Variants in EPB41 observed in about 807,000 individuals in gnomAD.
The protein encoded by EPB41 is erythrocyte membrane protein band 4.1, also known as protein 4.1.
Under a neutral mutation model 108.0 loss-of-function variants are expected in EPB41, and 65 were observed. The observed-to-expected ratio is 0.60, with a 90% CI of 0.49 to 0.74. The LOEUF (loss-of-function observed/expected upper bound fraction) is 0.74, where lower values mean the gene tolerates loss of function less well. Ranked by LOEUF, EPB41 falls within the 30% of genes least tolerant of loss-of-function variation. The pLI is 0.00. For synonymous variants in EPB41, 336 were observed against 358.9 expected (o/e 0.94, Z 0.72); for missense variants, 875 against 1,037.0 (o/e 0.84, Z 2.15).
chr1:29,056,240 A>G (rs902022183), intron 12 of EPB41, among the ~76,000 whole-genome samples: 1 of 151,758 alleles, frequency 6.6e-6, no homozygotes, highest in Non-Finnish European at 1.5e-5. Context: ...TCTCAAAAAA[A>G]AAAAAAACAA....
chr1:28,927,847 T>C (rs2093536094), intron 1 of EPB41, among the ~76,000 whole-genome samples: 1 of 152,178 alleles, frequency 6.6e-6, no homozygotes, highest in African/African-American at 2.4e-5. Flanking sequence ...TCTCAATAAA[T>C]AAAAGCCAGG....
intron 1 of EPB41, among the ~76,000 whole-genome samples, chr1:28,986,501 G>A (rs1167938067): frequency 6.6e-6 from 1 of 152,160 alleles, no homozygotes; most frequent in Non-Finnish European, 1.5e-5. Flanking sequence ...CCCTACGAGT[G>A]AATCAACACT....
intron 1 of EPB41, among the ~76,000 whole-genome samples, chr1:28,941,616 C>A (rs1418624164): frequency 6.6e-6 from 1 of 152,180 alleles, no homozygotes; most frequent in Admixed American, 6.5e-5. Flanking sequence ...CTTTCTCAGG[C>A]CGGGCACAGT....
At chr1:29,058,034 G>A (rs1645850939) in intron 12 of EPB41, among the ~76,000 whole-genome samples, 1 of 152,178 alleles carries the variant, frequency 6.6e-6, no homozygotes, top group Non-Finnish European at 1.5e-5. Flanking sequence ...AGAATGAAGT[G>A]CCTCTTTAAG....
At chr1:28,922,108 T>C (rs2148297824) in intron 1 of EPB41, among the ~76,000 whole-genome samples, 1 of 151,062 alleles carries the variant, frequency 6.6e-6, no homozygotes, top group South Asian at 2.1e-4. Flanking sequence ...TAGCTGGCAT[T>C]ACAGGCACGT....
At chr1:29,015,933 A>G (rs901964459) in intron 6 of EPB41, among the ~76,000 whole-genome samples, 166 bp downstream of exon 6, 2 of 152,258 alleles carry the variant, frequency 1.3e-5, no homozygotes, top group Non-Finnish European at 2.9e-5. Context: ...CAAGGCAGGC[A>G]TACAAATAAG....
chr1:29,062,895 G>T (rs552479219), intron 15 of EPB41, among the ~76,000 whole-genome samples: 1 of 152,236 alleles, frequency 6.6e-6, no homozygotes, highest in South Asian at 2.1e-4. Context: ...GATGGAGAAA[G>T]CTCCCTCAGA....
chr1:28,944,534 GTTTTTTTTTTTT>G (rs55849161), intron 1 of EPB41, among the ~76,000 whole-genome samples: 3 of 97,420 alleles, frequency 3.1e-5, no homozygotes, highest in South Asian at 3.4e-4. Flanking sequence ...CTCAGATCTG[GTTTTTTTTTTTT>G]TTTTTTTTTT....
At chr1:28,941,279 C>T (rs1345281524) in intron 1 of EPB41, among the ~76,000 whole-genome samples, 1 of 151,394 alleles carries the variant, frequency 6.6e-6, no homozygotes, top group Non-Finnish European at 1.5e-5. Context: ...ACTCGGGAGA[C>T]TAAGATGGGA....
At chr1:28,946,197 ACTT>A (rs2094481411) in intron 1 of EPB41, among the ~76,000 whole-genome samples, 1 of 151,442 alleles carries the variant, frequency 6.6e-6, no homozygotes, top group African/African-American at 2.4e-5. Context: ...GTCTACTTCA[ACTT>A]CTTTTTTTTT....
In EPB41 at chr1:28,948,547, A is replaced by T. The variant is rs537777940; in HGVS notation, c.-8+33779A>T. On this transcript the variant is annotated intron_variant, in intron 1 of 20. Coordinates refer to ENST00000343067, the MANE Select transcript of EPB41 (RefSeq NM_001376013.1). ...AAAGAAAGAAAGAAAGTGAAGCAGC[A>T]ACTATTGGAGGATAGCAAGAATGGA... is the stretch of plus-strand genomic sequence containing the variant. Among the ~76,000 whole-genome samples, 39 of 151,802 alleles carry T rather than the reference A, an allele frequency of 2.6e-4. No individual in the cohort carries two copies. The South Asian group carries it at 8.1e-3, about 32-fold the overall frequency.
At chr1:29,070,820 CAG>C (rs1169013030) in intron 16 of EPB41, 1 of 696,856 alleles carries the variant, frequency 1.4e-6, no homozygotes, top group African/African-American at 1.8e-5. Context: ...TGCCCAAAGC[CAG>C]CTTTTCTGCA....
At chr1:28,931,504 A>G (rs1173809575) in intron 1 of EPB41, among the ~76,000 whole-genome samples, 2 of 151,412 alleles carry the variant, frequency 1.3e-5, no homozygotes, top group African/African-American at 4.8e-5. Flanking sequence ...ATACTCCTCT[A>G]AAGAGTTTTA....
chr1:28,981,839 T>A (rs1242949255), intron 1 of EPB41, among the ~76,000 whole-genome samples: 1 of 151,618 alleles, frequency 6.6e-6, no homozygotes, highest in Non-Finnish European at 1.5e-5. Flanking sequence ...CAGCCCATCA[T>A]GGTTTTTTTT....
At chr1:28,998,942 A>C (rs943864404) in intron 4 of EPB41, among the ~76,000 whole-genome samples, 2 of 152,240 alleles carry the variant, frequency 1.3e-5, no homozygotes, top group Non-Finnish European at 2.9e-5. Flanking sequence ...TTTTCAATGA[A>C]TAATTTGAAA....
At chr1:28,969,303 T>C (rs2095437504) in intron 1 of EPB41, among the ~76,000 whole-genome samples, 1 of 151,930 alleles carries the variant, frequency 6.6e-6, no homozygotes, top group African/African-American at 2.4e-5. Context: ...CAGGCTAGTC[T>C]CGAACTCCTG....
Position 29,058,587 on chromosome 1 carries a change from A to T in EPB41, c.1846-2A>T. The T allele has an allele frequency of 6.2e-7, 1 of 1,613,210 alleles. No homozygotes were observed. Among genetic ancestry groups the T allele is most frequent in the African/African-American group, 1.3e-5 (1 of 75,050 alleles). ...TTTACTACTTTTATTTCTTAAATGT[A>T]GGTGGAAAAAACCCACATCGAGGTG... On this transcript the variant is annotated splice_acceptor_variant, in intron 12 of 20. Coordinates refer to ENST00000343067, the MANE Select transcript of EPB41 (RefSeq NM_001376013.1). LOFTEE classifies it high-confidence loss of function.
In EPB41 at chr1:29,005,038, G is replaced by A. The variant is rs138772182; in HGVS notation, c.787-6827G>A. Among the ~76,000 whole-genome samples, 217 of 152,184 alleles carry A rather than the reference G, an allele frequency of 1.4e-3. 1 individual carries two copies. The Middle Eastern group carries it at 0.02, about 14-fold the overall frequency. On this transcript the variant is annotated intron_variant, in intron 4 of 20. Coordinates refer to ENST00000343067, the MANE Select transcript of EPB41 (RefSeq NM_001376013.1). ...ATGACCTAAGGTTGTAAATGCTGCC[G>A]AAGATATGAAAGGTGTTAGTCTGTT...
At chr1:28,918,800 G>T (rs2092867733) in intron 1 of EPB41, among the ~76,000 whole-genome samples, 1 of 152,160 alleles carries the variant, frequency 6.6e-6, no homozygotes, top group African/African-American at 2.4e-5. Flanking sequence ...ATTTATCATA[G>T]CATTTAGTTA....
Sources: gnomAD v4.1 joint callset for allele counts (sites outside exome capture counted in the v4.1 genomes callset) on GRCh38, gnomAD v4.1.1 for gene constraint, MANE v1.5 for transcripts, NCBI Gene and HGNC (gene_info 2026-07-23, HGNC 2026-07-21) for gene names.